ZNF475: variants seen among roughly 807,000 people sequenced by gnomAD.
The protein encoded by ZNF475 is zinc finger protein 475.
chr5:122,171,347 T>C, the ZNF475 span, among the ~76,000 whole-genome samples: 3 of 152,074 alleles, frequency 2.0e-5, no homozygotes, highest in African/African-American at 7.2e-5. Flanking sequence ...TACCCCACAC[T>C]CCCCTAATTT....
the ZNF475 span, among the ~76,000 whole-genome samples, chr5:122,174,396 C>G: frequency 6.6e-6 from 1 of 152,194 alleles, no homozygotes; most frequent in African/African-American, 2.4e-5. Flanking sequence ...CTTCTTATCT[C>G]TGTTCAGACC....
At chr5:122,182,560 C>A in the ZNF475 span, 1 of 1,535,362 alleles carries the variant, frequency 6.5e-7, no homozygotes, top group Non-Finnish European at 8.7e-7. Flanking sequence ...CAGTTGGTTC[C>A]CTGTAATGTT....
chr5:122,160,223 T>C, the ZNF475 span: 5 of 1,289,814 alleles, frequency 3.9e-6, no homozygotes, highest in South Asian at 4.9e-5. Context: ...CAGCATTCTA[T>C]GATCCCATGG....
the ZNF475 span, among the ~76,000 whole-genome samples, chr5:122,175,965 G>C: frequency 1.1e-4 from 17 of 151,904 alleles, no homozygotes; most frequent in African/African-American, 4.1e-4. Flanking sequence ...TAACAATTTA[G>C]CTTTTACCCT....
the ZNF475 span, among the ~76,000 whole-genome samples, chr5:122,164,504 C>T: frequency 0.033 from 5,052 of 152,114 alleles, 288 homozygotes; most frequent in African/African-American, 0.12. Context: ...AAGACAGCTG[C>T]GGATGCTTAA....
the ZNF475 span, chr5:122,160,186 G>T: frequency 1.6e-6 from 2 of 1,282,946 alleles, no homozygotes; most frequent in Non-Finnish European, 2.0e-6. Flanking sequence ...ATCTTTCCTT[G>T]GTGCCAACCA....
At chr5:122,168,275 C>T in the ZNF475 span, among the ~76,000 whole-genome samples, 1 of 152,178 alleles carries the variant, frequency 6.6e-6, no homozygotes, top group African/African-American at 2.4e-5. Context: ...AACTCCTGAC[C>T]TCAGGTGATC....
At chr5:122,167,495 C>T in the ZNF475 span, among the ~76,000 whole-genome samples, 1 of 152,126 alleles carries the variant, frequency 6.6e-6, no homozygotes, top group Admixed American at 6.5e-5. Flanking sequence ...TTGAAATATT[C>T]CCTAGCTCCT....
At chr5:122,173,016 G>A in the ZNF475 span, among the ~76,000 whole-genome samples, 1 of 151,902 alleles carries the variant, frequency 6.6e-6, no homozygotes, top group South Asian at 2.1e-4. Flanking sequence ...CTCGGCAACA[G>A]AGCGAGACTC....
At chr5:122,174,835 T>A in the ZNF475 span, among the ~76,000 whole-genome samples, 1 of 152,216 alleles carries the variant, frequency 6.6e-6, no homozygotes, top group Non-Finnish European at 1.5e-5. Flanking sequence ...GAATAACTTC[T>A]CATTTTAAAC....
chr5:122,172,491 A>T, the ZNF475 span, among the ~76,000 whole-genome samples: 1 of 152,222 alleles, frequency 6.6e-6, no homozygotes, highest in Non-Finnish European at 1.5e-5. Context: ...GACAGGTTTT[A>T]GGGAATCTAC....
At chr5:122,173,009 G>A in the ZNF475 span, among the ~76,000 whole-genome samples, 1 of 151,884 alleles carries the variant, frequency 6.6e-6, no homozygotes, top group Non-Finnish European at 1.5e-5. Context: ...CTCCAGCCTC[G>A]GCAACAGAGC....
the ZNF475 span, among the ~76,000 whole-genome samples, chr5:122,164,980 G>C: frequency 6.6e-6 from 1 of 152,084 alleles, no homozygotes; most frequent in South Asian, 2.1e-4. Context: ...GAGATGAAAG[G>C]GGCAAAAAGA....
the ZNF475 span, chr5:122,179,557 T>A: frequency 2.0e-6 from 3 of 1,500,444 alleles, no homozygotes; most frequent in Non-Finnish European, 2.7e-6. Flanking sequence ...CAGCCAACAA[T>A]GATACGGCGT....
At chr5:122,171,141 C>T in the ZNF475 span, among the ~76,000 whole-genome samples, 8 of 151,944 alleles carry the variant, frequency 5.3e-5, no homozygotes, top group South Asian at 2.1e-4. Flanking sequence ...TATATATAAT[C>T]TTTGAATATC....
At chr5:122,166,658 G>T in the ZNF475 span, among the ~76,000 whole-genome samples, 1 of 152,162 alleles carries the variant, frequency 6.6e-6, no homozygotes, top group African/African-American at 2.4e-5. Context: ...TCCCTACAAA[G>T]GATATGAACT....
At chr5:122,166,894 G>A in the ZNF475 span, among the ~76,000 whole-genome samples, 1 of 152,150 alleles carries the variant, frequency 6.6e-6, no homozygotes, top group Non-Finnish European at 1.5e-5. Context: ...TCTAGTTCTA[G>A]ATCCTTGAGG....
chr5:122,162,710 C>G, the ZNF475 span, among the ~76,000 whole-genome samples: 4 of 152,172 alleles, frequency 2.6e-5, no homozygotes, highest in African/African-American at 9.7e-5. Flanking sequence ...TCTGCACCCC[C>G]ACCCCTTGGT....
chr5:122,177,348 T>C, the ZNF475 span, among the ~76,000 whole-genome samples: 8,357 of 152,262 alleles, frequency 0.055, 796 homozygotes, highest in African/African-American at 0.19. Flanking sequence ...AAACTTTCCA[T>C]TGACATTTAT....
Sources: gnomAD v4.1 joint callset for allele counts (sites outside exome capture counted in the v4.1 genomes callset) on GRCh38, gnomAD v4.1.1 for gene constraint, MANE v1.5 for transcripts, NCBI Gene and HGNC (gene_info 2026-07-23, HGNC 2026-07-21) for gene names.